The following ANKRD36C variants were observed in gnomAD, a reference collection of about 807,000 sequenced individuals.
The protein encoded by ANKRD36C is ankyrin repeat domain 36C.
In ANKRD36C, 61 loss-of-function variants were observed where a neutral mutation model predicts 276.4. That is an observed-to-expected ratio of 0.22 (90% CI 0.18 to 0.27). ANKRD36C has a LOEUF of 0.27. Ranked by LOEUF, ANKRD36C falls within the 10% of genes least tolerant of loss-of-function variation. The pLI, the probability that ANKRD36C is intolerant of heterozygous loss-of-function variation, is 1.00. For synonymous variants in ANKRD36C, 483 were observed against 680.1 expected, an observed-to-expected ratio of 0.71 and a Z score of 4.51; for missense variants, 1,447 against 2,032.3, an observed-to-expected ratio of 0.71 and a Z score of 5.54.
intron 50 of ANKRD36C, among the ~76,000 whole-genome samples, chr2:95,886,669 C>T (rs987544818): frequency 6.6e-6 from 1 of 151,716 alleles, no homozygotes; most frequent in Non-Finnish European, 1.5e-5. Flanking sequence ...ATTCAACATG[C>T]TCTTTAACTT....
At chr2:95,914,281 G>A in exon 39 of ANKRD36C, 4 of 1,550,570 alleles carry the variant, frequency 2.6e-6, no homozygotes, top group Non-Finnish European at 3.5e-6. Flanking sequence ...TTACCTTCAA[G>A]CCTGCTGGTT....
chr2:95,874,357 C>T (rs1675890243), intron 59 of ANKRD36C, among the ~76,000 whole-genome samples: 1 of 152,220 alleles, frequency 6.6e-6, no homozygotes, highest in South Asian at 2.1e-4. Context: ...CAGAATAGAG[C>T]CCTCAGAAAT....
chr2:95,972,090 C>A (rs555618508), intron 6 of ANKRD36C, among the ~76,000 whole-genome samples: 6 of 152,252 alleles, frequency 3.9e-5, no homozygotes, highest in Non-Finnish European at 8.8e-5. Flanking sequence ...GAAAATAATT[C>A]ATATAACAGT....
chr2:95,958,477 G>T, intron 12 of ANKRD36C, 114 bp downstream of exon 12: 1 of 1,356,688 alleles, frequency 7.4e-7, no homozygotes, highest in Admixed American at 2.3e-5. Context: ...AGAATCTCAG[G>T]CCCGCTGAAT....
chr2:95,907,517 A>G (rs1309744381), intron 42 of ANKRD36C: 1 of 145,400 alleles, frequency 6.9e-6, no homozygotes, highest in East Asian at 2.0e-4. Context: ...CAATAAAAAT[A>G]TCATCAATTA....
Position 95,917,975 on chromosome 2 carries a change from A to G in ANKRD36C, c.2274+39T>C, listed in dbSNP as rs562484541. On this transcript the variant is annotated intron_variant, in intron 35 of 66. Transcript: ENST00000456556. ...TAATAAATAAATAAATCAATGAAGT[A>G]TGTGTCATAGAATACAATGTAAATG... is the stretch of plus-strand genomic sequence containing the variant. The G allele has an allele frequency of 1.6e-5, 25 of 1,599,394 alleles. No homozygotes were observed. In the African/African-American group the frequency reaches 2.9e-4, roughly 19 times the overall value.
intron 60 of ANKRD36C, among the ~76,000 whole-genome samples, chr2:95,862,708 ATTTATATGCTG>A (rs752350987): frequency 6.6e-6 from 1 of 151,812 alleles, no homozygotes; most frequent in Non-Finnish European, 1.5e-5. Flanking sequence ...CTTCCCCAAA[ATTTATATGCTG>A]AAAGCCAATC....
At chr2:95,918,354 G>A (rs1677169138) in intron 34 of ANKRD36C, among the ~76,000 whole-genome samples, 1 of 151,636 alleles carries the variant, frequency 6.6e-6, no homozygotes, top group Non-Finnish European at 1.5e-5. Context: ...AAAATCGGAG[G>A]AGCAACTCAT....
At chr2:95,907,859 G>C (rs1236779639) in intron 42 of ANKRD36C, among the ~76,000 whole-genome samples, 2 of 149,218 alleles carry the variant, frequency 1.3e-5, no homozygotes, top group Non-Finnish European at 3.0e-5. Context: ...TAATGAGTCA[G>C]TGTGGTGGTG....
downstream of ANKRD36C, among the ~76,000 whole-genome samples, chr2:95,849,152 C>T (rs1415422796): frequency 7.9e-5 from 12 of 151,994 alleles, no homozygotes; most frequent in Non-Finnish European, 1.6e-4. Flanking sequence ...CTCTGCCTCC[C>T]GGGTTCAAGT....
exon 34 of ANKRD36C, chr2:95,921,674 T>G: frequency 6.2e-7 from 1 of 1,606,536 alleles, no homozygotes; most frequent in Non-Finnish European, 8.5e-7. Context: ...CCTCGTCAGT[T>G]GTAGCCTGAA....
intron 46 of ANKRD36C, among the ~76,000 whole-genome samples, chr2:95,890,698 C>T (rs763487713): frequency 6.6e-6 from 1 of 151,532 alleles, no homozygotes; most frequent in Non-Finnish European, 1.5e-5. Flanking sequence ...CAATTATCAA[C>T]TTTGACATAA....
At chr2:95,887,467 C>T (rs1676226120) in intron 50 of ANKRD36C, among the ~76,000 whole-genome samples, 1 of 151,410 alleles carries the variant, frequency 6.6e-6, no homozygotes, top group African/African-American at 2.4e-5. Context: ...CACAATCCCT[C>T]TTCCTTGGGA....
chr2:95,947,993 T>C (rs1678098579), intron 17 of ANKRD36C, among the ~76,000 whole-genome samples: 1 of 152,026 alleles, frequency 6.6e-6, no homozygotes, highest in African/African-American at 2.4e-5. Flanking sequence ...CCTAAATATA[T>C]AGAACCAAGA....
At position 95,855,977 on chromosome 2, in the gene ANKRD36C, C is replaced by A. The variant is rs556337988; in HGVS notation, c.4284G>T (p.Thr1428=). ...CAAGCTGTCCACTATAACAGGCTATCGTTTCTGCTAATGTTTCCTCATTCC... is the reference window on the plus strand; with the variant it reads ...CAAGCTGTCCACTATAACAGGCTATAGTTTCTGCTAATGTTTCCTCATTCC... The change falls in exon 63 of 67, where the codon ACG becomes ACT. Residue 1428 remains threonine, a synonymous_variant. Transcript: ENST00000456556. 3.7e-6 allele frequency: 6 copies of A among 1,612,858 alleles called. No individual in the cohort carries two copies. In the African/African-American group the frequency reaches 8.0e-5, roughly 21 times the overall value.
At chr2:95,976,222 G>A (rs1237804600) in intron 6 of ANKRD36C, among the ~76,000 whole-genome samples, 5 of 152,254 alleles carry the variant, frequency 3.3e-5, no homozygotes, top group South Asian at 2.1e-4. Flanking sequence ...TCAGTGTGGC[G>A]ATTCCTCAGG....
At chr2:95,883,695 T>C (rs2104329908) in intron 54 of ANKRD36C, among the ~76,000 whole-genome samples, 1 of 152,156 alleles carries the variant, frequency 6.6e-6, no homozygotes, top group African/African-American at 2.4e-5. Flanking sequence ...TTATTTTCCC[T>C]CCTTTCTGCC....
chr2:95,849,586 T>C (rs1675243162), downstream of ANKRD36C, among the ~76,000 whole-genome samples: 1 of 152,154 alleles, frequency 6.6e-6, no homozygotes, highest in South Asian at 2.1e-4. Context: ...TATTACTACA[T>C]TGTAATACAT....
intron 60 of ANKRD36C, among the ~76,000 whole-genome samples, chr2:95,863,812 C>T (rs1401439067): frequency 2.0e-5 from 3 of 151,970 alleles, no homozygotes; most frequent in Non-Finnish European, 2.9e-5. Flanking sequence ...AAAAGGGTGC[C>T]AAAGGGTAAG....
Sources: allele counts gnomAD v4.1 joint callset (sites outside exome capture counted in the v4.1 genomes callset), GRCh38; gene constraint gnomAD v4.1.1; transcripts MANE v1.5; gene names NCBI Gene and HGNC (gene_info 2026-07-23, HGNC 2026-07-21).